Variants in ABTB2 observed in about 807,000 individuals in gnomAD.
ABTB2 encodes ankyrin repeat and BTB domain containing 2.
ABTB2 carries 56 observed loss-of-function variants against 104.1 expected under a neutral mutation model. The observed-to-expected ratio is 0.54, with a 90% CI of 0.43 to 0.67. The LOEUF is 0.67. Among genes scored for constraint, ABTB2 ranks in the 30% least tolerant of loss-of-function variants. ABTB2 has a pLI of 0.00. For synonymous variants in ABTB2, 606 were observed against 608.2 expected (o/e 1.00, Z 0.05); for missense variants, 1,279 against 1,407.7 (o/e 0.91, Z 1.46).
intron 1 of ABTB2, among the ~76,000 whole-genome samples, chr11:34,293,264 A>ATTG (rs1854584065): frequency 6.6e-6 from 1 of 150,564 alleles, no homozygotes; most frequent in African/African-American, 2.5e-5. Context: ...TGAGACTAGG[A>ATTG]CTGCAGTTCT....
At chr11:34,306,165 A>G (rs1392824465) in intron 1 of ABTB2, among the ~76,000 whole-genome samples, 1 of 152,020 alleles carries the variant, frequency 6.6e-6, no homozygotes, top group African/African-American at 2.4e-5. Context: ...CTCCTTATAC[A>G]ACATTGTAGA....
intron 1 of ABTB2, among the ~76,000 whole-genome samples, chr11:34,249,261 C>T (rs981853677): frequency 1.3e-5 from 2 of 152,224 alleles, no homozygotes; most frequent in Non-Finnish European, 2.9e-5. Flanking sequence ...GACTGAAGCT[C>T]ATGCCTTTAA....
chr11:34,184,539 C>A (rs1014749156), intron 3 of ABTB2, among the ~76,000 whole-genome samples: 1 of 152,216 alleles, frequency 6.6e-6, no homozygotes. Flanking sequence ...GGTACAGATT[C>A]CAGTGGAGAC....
chr11:34,267,403 C>T (rs1196818330), intron 1 of ABTB2, among the ~76,000 whole-genome samples: 1 of 152,204 alleles, frequency 6.6e-6, no homozygotes, highest in Non-Finnish European at 1.5e-5. Context: ...TCTTCCCCAT[C>T]CTGACGGCAT....
intron 1 of ABTB2, among the ~76,000 whole-genome samples, chr11:34,265,145 C>T (rs1854232403): frequency 6.6e-6 from 1 of 152,214 alleles, no homozygotes; most frequent in African/African-American, 2.4e-5. Context: ...AAAAATAGAA[C>T]CGAAGCAACA....
Position 34,356,716 on chromosome 11 carries a change from C to T in ABTB2, c.868G>A (p.Gly290Ser). The T allele has an allele frequency of 6.3e-7, 1 of 1,594,002 alleles. No homozygotes were observed. Among genetic ancestry groups the T allele is most frequent in the Non-Finnish European group, 8.6e-7 (1 of 1,165,132 alleles). Residue 290 changes from glycine to serine, a missense_variant, in exon 1 of 17, where the codon GGC (glycine) becomes AGC (serine). Physicochemically the swap from Gly to Ser is moderately conservative, Grantham distance 56 (BLOSUM62 0). Transcript: ENST00000435224. This position sits in a 1 kb window ranked among gnomAD's most constrained non-coding sequence, Gnocchi z 4.6. ...GCGCGCTTACCATTGGCGTTCTTGC[C>T]GCAGATGAGATGCTCATAGGGCTGC... ...VLQPYEHLIC[G>S]KNANGVLSLP... is the part of the protein sequence containing the mutation.
At chr11:34,341,937 G>C (rs550678632) in intron 1 of ABTB2, among the ~76,000 whole-genome samples, 1 of 152,206 alleles carries the variant, frequency 6.6e-6, no homozygotes, top group East Asian at 1.9e-4. Flanking sequence ...ACGTGTAAAG[G>C]GTCCCCCATT....
At chr11:34,290,945 G>A (rs894993015) in intron 1 of ABTB2, among the ~76,000 whole-genome samples, 1 of 152,062 alleles carries the variant, frequency 6.6e-6, no homozygotes, top group African/African-American at 2.4e-5. Flanking sequence ...TCTTCTTTCT[G>A]AGACACAAGA....
chr11:34,335,350 C>G (rs1855181120), intron 1 of ABTB2: 4 of 924,864 alleles, frequency 4.3e-6, no homozygotes, highest in Non-Finnish European at 7.3e-6. Flanking sequence ...GCCCAATATC[C>G]CTCAGCACAA....
At chr11:34,226,582 A>C (rs1853689593) in intron 1 of ABTB2, among the ~76,000 whole-genome samples, 1 of 152,232 alleles carries the variant, frequency 6.6e-6, no homozygotes, top group Non-Finnish European at 1.5e-5. Context: ...TGCTCCTCAC[A>C]ACTCCAGTAT....
At chr11:34,178,127 C>A (rs1211802900) in intron 3 of ABTB2, among the ~76,000 whole-genome samples, 5 of 152,166 alleles carry the variant, frequency 3.3e-5, no homozygotes, top group African/African-American at 1.2e-4. Context: ...TTTCAATATA[C>A]AGAAATCTAG....
intron 3 of ABTB2, among the ~76,000 whole-genome samples, chr11:34,193,299 A>T (rs1463016306): frequency 6.6e-6 from 1 of 152,198 alleles, no homozygotes; most frequent in Admixed American, 6.5e-5. Context: ...TGGGATGCAA[A>T]GCTGCCAGTG....
chr11:34,348,966 C>A (rs11032623), intron 1 of ABTB2, among the ~76,000 whole-genome samples: 109 of 152,196 alleles, frequency 7.2e-4, no homozygotes, highest in Non-Finnish European at 1.4e-3. Context: ...TTGGATGTAG[C>A]TGGCACTCAG....
chr11:34,188,046 A>G (rs1176086504), intron 3 of ABTB2, among the ~76,000 whole-genome samples: 3 of 152,234 alleles, frequency 2.0e-5, no homozygotes, highest in African/African-American at 7.2e-5. Context: ...ATTCTCTGCC[A>G]CATCCTTAAC....
At chr11:34,256,205 C>T (rs76903742) in intron 1 of ABTB2, among the ~76,000 whole-genome samples, 1,876 of 152,102 alleles carry the variant, frequency 0.012, 46 homozygotes, top group African/African-American at 0.043. Context: ...ATAAATCACA[C>T]GAGGAACAGT....
At chr11:34,159,231 C>T in intron 14 of ABTB2, 65 bp downstream of exon 14, 2 of 1,295,844 alleles carry the variant, frequency 1.5e-6, no homozygotes, top group Non-Finnish European at 2.2e-6. Context: ...CACAGCTGCC[C>T]ACAAGGTGGG....
intron 5 of ABTB2, among the ~76,000 whole-genome samples, chr11:34,168,503 C>T (rs1852832104): frequency 6.6e-6 from 1 of 152,204 alleles, no homozygotes; most frequent in Admixed American, 6.5e-5. Flanking sequence ...ATCCCAGGCC[C>T]TGTGCATGGA....
intron 1 of ABTB2, among the ~76,000 whole-genome samples, chr11:34,315,806 CTT>C (rs1854921508): frequency 6.6e-6 from 1 of 152,170 alleles, no homozygotes; most frequent in East Asian, 1.9e-4. Context: ...TTCCAGCTGC[CTT>C]TCATGGCAGG....
At chr11:34,169,306 G>A (rs944787449) in intron 5 of ABTB2, among the ~76,000 whole-genome samples, 5 of 152,086 alleles carry the variant, frequency 3.3e-5, no homozygotes, top group African/African-American at 9.7e-5. Flanking sequence ...AGGCCGGCTC[G>A]CAGATATCAG....
Sources: gnomAD v4.1 joint callset for allele counts (sites outside exome capture counted in the v4.1 genomes callset) on GRCh38, gnomAD v4.1.1 for gene constraint, Gnocchi (gnomAD v3.1) non-coding constraint, MANE v1.5 for transcripts, NCBI Gene and HGNC (gene_info 2026-07-23, HGNC 2026-07-21) for gene names.